URGCP: variants seen among roughly 807,000 people sequenced by gnomAD.
URGCP encodes up-regulator of cell proliferation.
In URGCP, 13 loss-of-function variants were observed where a neutral mutation model predicts 24.6. The ratio of observed to expected loss-of-function variants is 0.53; its 90% CI spans 0.34 to 0.84. The LOEUF (loss-of-function observed/expected upper bound fraction) is 0.84. URGCP is among the 40% of genes least tolerant of loss of function. The probability of loss-of-function intolerance (pLI) is 0.01; values close to 1 mark genes in which losing one functional copy is unlikely to be tolerated. For missense variants in URGCP, 899 were observed against 1,194.3 expected, an observed-to-expected ratio of 0.75 and a Z score of 3.64; for synonymous variants, 444 against 487.2, an observed-to-expected ratio of 0.91 and a Z score of 1.17.
At chr7:43,912,626 G>C (rs1229453913) in intron 1 of URGCP, among the ~76,000 whole-genome samples, 1 of 151,840 alleles carries the variant, frequency 6.6e-6, no homozygotes, top group African/African-American at 2.4e-5. Flanking sequence ...ATTTTGATAG[G>C]GATTACATTG....
At chr7:43,906,729 G>C, upstream of URGCP, 2 of 272,778 alleles carry the variant, frequency 7.3e-6, no homozygotes, top group Non-Finnish European at 1.0e-5. Flanking sequence ...TGGGCCCGGG[G>C]TCCTCTCGGA....
intron 1 of URGCP, among the ~76,000 whole-genome samples, chr7:43,921,431 T>C (rs1167553092): frequency 6.6e-6 from 1 of 152,254 alleles, no homozygotes; most frequent in East Asian, 1.9e-4. Context: ...GTAATACCTT[T>C]TAGTTCATGT....
intron 1 of URGCP, among the ~76,000 whole-genome samples, chr7:43,914,576 G>C (rs1414744046): frequency 6.6e-6 from 1 of 152,028 alleles, no homozygotes; most frequent in African/African-American, 2.4e-5. Flanking sequence ...ACTTGTGTTA[G>C]AGGCATTTGA....
At chr7:43,918,309 T>C (rs2095917732) in intron 1 of URGCP, among the ~76,000 whole-genome samples, 1 of 151,802 alleles carries the variant, frequency 6.6e-6, no homozygotes, top group South Asian at 2.1e-4. Flanking sequence ...TCCTTTCCCT[T>C]TCCTTTCCCT....
chr7:43,900,473 A>AC (rs2095888418), intron 1 of URGCP, among the ~76,000 whole-genome samples: 2 of 133,112 alleles, frequency 1.5e-5, no homozygotes, highest in African/African-American at 5.3e-5. Context: ...CCAAAACAAA[A>AC]AAAAAAAAAA....
chr7:43,881,182 G>A, intron 5 of URGCP: 1 of 702,658 alleles, frequency 1.4e-6, no homozygotes, highest in South Asian at 1.5e-5. Flanking sequence ...TAGCATGGTA[G>A]TAAAAGGCAA....
upstream of URGCP, among the ~76,000 whole-genome samples, chr7:43,909,929 A>G (rs2095908137): frequency 1.3e-5 from 2 of 149,844 alleles, no homozygotes; most frequent in South Asian, 4.2e-4. Context: ...TGTAATCCCA[A>G]CTACTCGGGA....
chr7:43,884,353 A>G (rs1300384206), intron 3 of URGCP, among the ~76,000 whole-genome samples: 1 of 152,216 alleles, frequency 6.6e-6, no homozygotes, highest in Admixed American at 6.5e-5. Context: ...CCATGAGCCA[A>G]CGTCTCCACT....
intron 1 of URGCP, 36 bp from the exon 2 acceptor site, chr7:43,887,852 T>C: frequency 4.4e-6 from 6 of 1,369,826 alleles, no homozygotes; most frequent in Non-Finnish European, 6.1e-6. Context: ...ACAAAGATGT[T>C]GATGCCAGCT....
chr7:43,877,368 C>T lies in URGCP; in HGVS notation c.2095G>A (p.Gly699Arg), dbSNP rs746147551. ...GTGGACTTGCCCGTGCCTGGCACCC[C>T]GACGGTTGACAGAACCACCAGCCTT... ...RSRLVVLSTV[G>R]VPGTGKSTLL... Residue 699 changes from glycine (G) to arginine (R), a missense_variant, in exon 6 of 6, where the codon GGG (glycine) becomes AGG (arginine). Gly to Arg is a moderately radical substitution (Grantham distance 125). Coordinates refer to ENST00000453200, the MANE Select transcript of URGCP (RefSeq NM_001077663.3). 2 of 1,612,644 alleles carry T rather than the reference C, an allele frequency of 1.2e-6. No homozygotes were observed. Among genetic ancestry groups the T allele is most frequent in the Non-Finnish European group, 1.7e-6 (2 of 1,180,016 alleles).
Position 43,876,536 on chromosome 7 carries a change from T to C in URGCP, c.*131A>G. 1 of 1,010,154 alleles carries C rather than the reference T, an allele frequency of 9.9e-7. No homozygotes were observed. Among genetic ancestry groups the C allele is most frequent in the Non-Finnish European group, 1.5e-6 (1 of 685,372 alleles). 62.6% of individuals were successfully genotyped at this position (1,010,154 alleles called of 1,614,324 possible). A position where few individuals can be genotyped will look rare whatever the true frequency, so the allele number is the denominator to read the frequency against. Reference sequence around the variant, plus strand: ...GTTGAGGAGACTCCAAACCCTGTCTTTTCCTCGTCTTCTCATGTCGATTGG... The same window carrying C: ...GTTGAGGAGACTCCAAACCCTGTCTCTTCCTCGTCTTCTCATGTCGATTGG... On this transcript the variant is annotated 3_prime_UTR_variant, in exon 6 of 6. Coordinates refer to ENST00000453200, the MANE Select transcript of URGCP (RefSeq NM_001077663.3).
At chr7:43,923,259 G>C (rs1309445743) in intron 1 of URGCP, among the ~76,000 whole-genome samples, 1 of 150,932 alleles carries the variant, frequency 6.6e-6, no homozygotes, top group Non-Finnish European at 1.5e-5. Flanking sequence ...TGGAATTACA[G>C]GTGTGAGCCA....
At chr7:43,919,213 C>T in intron 1 of URGCP, 1 of 882,976 alleles carries the variant, frequency 1.1e-6, no homozygotes, top group Non-Finnish European at 1.9e-6. Context: ...TCAGTGTTTC[C>T]CAACCAGGAC....
chr7:43,920,670 T>C (rs1256808059), intron 1 of URGCP, among the ~76,000 whole-genome samples: 1 of 152,212 alleles, frequency 6.6e-6, no homozygotes, highest in African/African-American at 2.4e-5. Context: ...ATTCCTTTTC[T>C]CCATTTTGTC....
intron 1 of URGCP, 111 bp downstream of exon 1, chr7:43,906,451 C>T: frequency 9.5e-7 from 1 of 1,050,634 alleles, no homozygotes. Context: ...CGCCCCTGGC[C>T]GGGTCCGGGC....
At chr7:43,922,412 C>G (rs2095923470) in intron 1 of URGCP, among the ~76,000 whole-genome samples, 1 of 152,190 alleles carries the variant, frequency 6.6e-6, no homozygotes, top group Non-Finnish European at 1.5e-5. Flanking sequence ...AATGACTGCA[C>G]CATTTTATAG....
chr7:43,906,974 T>G (rs906472948), upstream of URGCP: 1 of 156,418 alleles, frequency 6.4e-6, no homozygotes, highest in African/African-American at 2.4e-5. Flanking sequence ...GCGTAAGGCC[T>G]TATTATTAAG....
chr7:43,883,364 T>TATATATA (rs1562575266), intron 3 of URGCP, among the ~76,000 whole-genome samples: 3 of 91,496 alleles, frequency 3.3e-5, no homozygotes, highest in East Asian at 5.3e-4. Flanking sequence ...ATATATATAT[T>TATATATA]TTTTTTTTTT....
chr7:43,876,546 T>C lies in URGCP; in HGVS notation c.*121A>G. 1 of 1,119,808 alleles carries C rather than the reference T, an allele frequency of 8.9e-7. No homozygotes were observed. The highest frequency in any genetic ancestry group is 1.5e-5 in the South Asian group (1 of 67,196). 69.4% of individuals were successfully genotyped at this position (1,119,808 alleles called of 1,614,324 possible). On this transcript the variant is annotated 3_prime_UTR_variant, in exon 6 of 6. Transcript: ENST00000453200. The stretch of plus-strand genomic sequence containing the variant: ...CTCCAAACCCTGTCTTTTCCTCGTC[T>C]TCTCATGTCGATTGGGCACCAGCCA...
Sources: gnomAD v4.1 joint callset for allele counts (sites outside exome capture counted in the v4.1 genomes callset) on GRCh38, gnomAD v4.1.1 for gene constraint, MANE v1.5 for transcripts, NCBI Gene and HGNC (gene_info 2026-07-23, HGNC 2026-07-21) for gene names.